USP38: variants seen among roughly 807,000 people sequenced by gnomAD.
USP38 encodes ubiquitin specific peptidase 38, also known as ubiquitin carboxyl-terminal hydrolase 38.
USP38 carries 49 observed loss-of-function variants against 94.3 expected under a neutral mutation model. The ratio of observed to expected loss-of-function variants is 0.52; its 90% CI spans 0.41 to 0.66. The LOEUF (loss-of-function observed/expected upper bound fraction) is 0.66. USP38 is among the 30% of genes least tolerant of loss of function. USP38 has a pLI of 0.00. For missense variants in USP38, 1,128 were observed against 1,229.4 expected (o/e 0.92, Z 1.23); for synonymous variants, 468 against 463.6 (o/e 1.01, Z -0.12).
At chr4:143,205,987 A>AT in intron 5 of USP38, 46 bp from the exon 6 acceptor site, 1 of 1,362,468 alleles carries the variant, frequency 7.3e-7, no homozygotes, top group Non-Finnish European at 9.8e-7. Context: ...AACAAAAATA[A>AT]TTTTTACTTT....
At chr4:143,212,213 G>A in intron 7 of USP38, 105 bp from the exon 8 acceptor site, 1 of 847,794 alleles carries the variant, frequency 1.2e-6, no homozygotes, top group Non-Finnish European at 1.7e-6. Flanking sequence ...CTGATGCAAT[G>A]TTAACTGTAA....
In USP38 at chr4:143,193,361, T is replaced by C. The variant is rs533177907; in HGVS notation, c.819-2355T>C. The stretch of plus-strand genomic sequence containing the variant: ...AGTACCATAGTAGCCATTTCCTTAT[T>C]GACAATCATTTAGGTTGTTTGCAGT... On this transcript the variant is annotated intron_variant, in intron 2 of 9. Transcript: ENST00000307017. Among the ~76,000 whole-genome samples the C allele has an allele frequency of 4.6e-5, 7 of 152,310 alleles. 1 individual carries two copies. Among genetic ancestry groups the C allele is most frequent in the African/African-American group, 1.7e-4 (7 of 41,568 alleles).
rs961460366 is a variant in USP38, at chr4:143,185,325, C to T, written c.-126C>T. The T allele has an allele frequency of 2.8e-6, 3 of 1,058,198 alleles. No individual in the cohort carries two copies. The highest frequency in any genetic ancestry group is 4.0e-6 in the Non-Finnish European group (3 of 753,604). The allele number at this position is 1,058,198 out of a possible 1,614,324, so 65.6% of individuals were successfully genotyped here. A position where few individuals can be genotyped will look rare whatever the true frequency, so the allele number is the denominator to read the frequency against. On this transcript the variant is annotated 5_prime_UTR_variant, in exon 1 of 10. Coordinates refer to ENST00000307017, the MANE Select transcript of USP38 (RefSeq NM_032557.6). Reference sequence around the variant, plus strand: ...ATGTGGCTGCTGAGGCGGCGGTGGCCGTGGCCCGTCGCGCTGCTGCTGCGG... The same window carrying T: ...ATGTGGCTGCTGAGGCGGCGGTGGCTGTGGCCCGTCGCGCTGCTGCTGCGG...
At chr4:143,218,831 T>C (rs1186443952) in intron 9 of USP38, among the ~76,000 whole-genome samples, 2 of 152,122 alleles carry the variant, frequency 1.3e-5, no homozygotes, top group Non-Finnish European at 2.9e-5. Flanking sequence ...GTTTCTCAGA[T>C]ACAGAGTCAT....
rs1285834976 is a variant in USP38, at chr4:143,222,608, A to G, written c.*2152A>G. On this transcript the variant is annotated 3_prime_UTR_variant, in exon 10 of 10. Transcript: ENST00000307017. ...ATATGGAAAGCTGACTAAATATAGT[A>G]ACACTGAAGAGTATTCAAATGATAA... 2.6e-5 allele frequency: 4 copies of G among 152,122 alleles called. No individual in the cohort carries two copies. The highest frequency in any genetic ancestry group is 5.9e-5 in the Non-Finnish European group (4 of 67,964). The allele number at this position is 152,122 out of a possible 1,614,324, so 9.4% of individuals were successfully genotyped here. A position where few individuals can be genotyped will look rare whatever the true frequency, so the allele number is the denominator to read the frequency against.
chr4:143,214,424 T>C lies in USP38; in HGVS notation c.2448T>C (p.Leu816=). Residue 816 remains leucine (L), a synonymous_variant, in exon 9 of 10, where the codon CTT becomes CTC. Transcript: ENST00000307017. Reference sequence around the variant, plus strand: ...CTGTAGATGTTGACTTCACTGATCTTAGTGAGAACCTTGCTAAAAAATTAA... The same window carrying C: ...CTGTAGATGTTGACTTCACTGATCTCAGTGAGAACCTTGCTAAAAAATTAA... ...SWSVDVDFTD[L]SENLAKKLKP... 1 of 1,613,816 alleles carries C rather than the reference T, an allele frequency of 6.2e-7. No homozygotes were observed. The highest frequency in any genetic ancestry group is 8.5e-7 in the Non-Finnish European group (1 of 1,179,860).
rs761852268 is a variant in USP38 at position 143,197,914 on chromosome 4, C to T, written c.1040C>T (p.Ala347Val). 13 of 1,610,078 alleles carry T rather than the reference C, an allele frequency of 8.1e-6. No homozygotes were observed. The highest frequency in any genetic ancestry group is 1.0e-5 in the Non-Finnish European group (12 of 1,177,876). ...MLLSFQHSPE[A>V]FHLIVPHVVN... The stretch of plus-strand genomic sequence containing the variant: ...CTTAGCTTTCAGCATTCTCCAGAGG[C>T]GTTCCATTTGGTAAGTTATGACATA... The change falls in exon 4 of 10, where the codon GCG becomes GTG. Residue 347 changes from alanine (A) to valine (V), a missense_variant. Ala to Val is a moderately conservative substitution (Grantham distance 64). Coordinates refer to ENST00000307017, the MANE Select transcript of USP38 (RefSeq NM_032557.6).
intron 9 of USP38, chr4:143,215,248 T>G: frequency 3.0e-6 from 1 of 338,688 alleles, no homozygotes; most frequent in Non-Finnish European, 5.4e-6. Flanking sequence ...ATCCTCCCTC[T>G]TCCTCTCAGC....
chr4:143,187,686 T>A, intron 1 of USP38, 140 bp from the exon 2 acceptor site: 1 of 809,178 alleles, frequency 1.2e-6, no homozygotes, highest in East Asian at 2.8e-5. Context: ...ATTAAGAGTC[T>A]ACCCATGAGG....
rs1560678403 is a variant in USP38, at chr4:143,223,568, T to TA, written c.*3113dup. ...ATACACCTCTTTAAAGCTATCATCT[T>TA]ATAATAAGTGGAATTGGATGCTTAT... On this transcript the variant is annotated 3_prime_UTR_variant, in exon 10 of 10. Transcript: ENST00000307017. 6.6e-6 allele frequency: 1 copy of TA among 152,158 alleles called. No individual in the cohort carries two copies. 9.4% of individuals were successfully genotyped at this position (152,158 alleles called of 1,614,324 possible).
rs61760235 is a variant in USP38, at chr4:143,186,034, T to C, written c.584T>C (p.Val195Ala). Residue 195 changes from valine (V) to alanine (A), a missense_variant, in exon 1 of 10, where the codon GTG (valine) becomes GCG (alanine). Val to Ala is a moderately conservative substitution (Grantham distance 64, BLOSUM62 0). Coordinates refer to ENST00000307017, the MANE Select transcript of USP38 (RefSeq NM_032557.6). The stretch of plus-strand genomic sequence containing the variant: ...GAGCTGCGGGAATATGTCTCCCAGG[T>C]GACAAAAGTGAGTAACTTGCTGCAG... ...ERELREYVSQ[V>A]TKVSNLLQNI... 2,035 of 1,614,142 alleles carry C rather than the reference T, an allele frequency of 1.3e-3. 23 individuals carry two copies. The South Asian group carries it at 0.021, about 17-fold the overall frequency.
Position 143,220,617 on chromosome 4 carries a change from A to G in USP38, c.*161A>G. The G allele has an allele frequency of 1.4e-6, 1 of 730,612 alleles. No individual in the cohort carries two copies. 45.3% of individuals were successfully genotyped at this position (730,612 alleles called of 1,614,324 possible). On this transcript the variant is annotated 3_prime_UTR_variant, in exon 10 of 10. Transcript: ENST00000307017. ...TTTTATTTTCTTGACACATTTATTA[A>G]CAAAATGCATCATGGAAAAAAAAAT...
At chr4:143,192,186 A>G (rs1731413796) in intron 2 of USP38, among the ~76,000 whole-genome samples, 1 of 152,190 alleles carries the variant, frequency 6.6e-6, no homozygotes, top group South Asian at 2.1e-4. Context: ...ATAATACACA[A>G]ATATTTATTT....
intron 2 of USP38, among the ~76,000 whole-genome samples, chr4:143,193,169 CAT>C (rs1340635325): frequency 6.6e-6 from 1 of 152,060 alleles, no homozygotes; most frequent in Middle Eastern, 3.2e-3. Flanking sequence ...TATATATTCA[CAT>C]GATTTTCTTT....
At chr4:143,210,087 A>G (rs993244077) in intron 7 of USP38, among the ~76,000 whole-genome samples, 1 of 152,122 alleles carries the variant, frequency 6.6e-6, no homozygotes. Context: ...TTTCTTATGT[A>G]TACCTATTCA....
intron 6 of USP38, among the ~76,000 whole-genome samples, chr4:143,207,173 CA>C (rs1210203916): frequency 6.6e-6 from 1 of 152,146 alleles, no homozygotes; most frequent in Non-Finnish European, 1.5e-5. Flanking sequence ...GGAACTTGCC[CA>C]AAGAGGTTTA....
intron 6 of USP38, among the ~76,000 whole-genome samples, chr4:143,206,936 C>T (rs912647892): frequency 5.3e-5 from 8 of 152,170 alleles, no homozygotes; most frequent in Non-Finnish European, 1.0e-4. Flanking sequence ...TTAAGTTCTG[C>T]TCCACCCCAG....
intron 2 of USP38, among the ~76,000 whole-genome samples, chr4:143,190,717 C>G (rs1731372155): frequency 6.6e-6 from 1 of 152,064 alleles, no homozygotes. Context: ...TCTATCCCCA[C>G]TACCTTGAAG....
Position 143,214,911 on chromosome 4 carries a change from G to T in USP38, c.2935G>T (p.Ala979Ser). 2 of 1,612,816 alleles carry T rather than the reference G, an allele frequency of 1.2e-6. No homozygotes were observed. Among genetic ancestry groups the T allele is most frequent in the South Asian group, 1.1e-5 (1 of 90,922 alleles). ...ACCTCTACAGAAAGAACTTATGGAT[G>T]CTATAACAAAAGACAATAAACTATA... ...DPPLQKELMDAITKDNKLYLQ... is the reference protein window; with the variant it reads ...DPPLQKELMDSITKDNKLYLQ... The change falls in exon 9 of 10, where the codon GCT (alanine) becomes TCT (serine). Residue 979 changes from alanine to serine, a missense_variant. Coordinates refer to ENST00000307017, the MANE Select transcript of USP38 (RefSeq NM_032557.6).
Sources: allele counts gnomAD v4.1 joint callset (sites outside exome capture counted in the v4.1 genomes callset), GRCh38; gene constraint gnomAD v4.1.1; transcripts MANE v1.5; gene names NCBI Gene and HGNC (gene_info 2026-07-23, HGNC 2026-07-21).